HNRNPU: variants seen among roughly 807,000 people sequenced by gnomAD.
The protein encoded by HNRNPU is HNRNPU antisense RNA 1.
Under a neutral mutation model 94.7 loss-of-function variants are expected in HNRNPU, and 5 were observed. The ratio of observed to expected loss-of-function variants is 0.05; its 90% CI spans 0.03 to 0.11. The LOEUF is 0.11. HNRNPU is among the 10% of genes least tolerant of loss of function. The pLI is 1.00. For missense variants in HNRNPU, 710 were observed against 1,049.2 expected, an observed-to-expected ratio of 0.68 and a Z score of 4.47; for synonymous variants, 434 against 381.6, an observed-to-expected ratio of 1.14 and a Z score of -1.60.
intron 8 of HNRNPU, 166 bp from the exon 9 acceptor site, chr1:244,857,022 A>G: frequency 1.7e-6 from 1 of 589,084 alleles, no homozygotes; most frequent in Non-Finnish European, 3.0e-6. Flanking sequence ...CTATGTAACA[A>G]GACCTTACAC....
intron 4 of HNRNPU, chr1:244,859,783 A>C (rs1211540065): frequency 6.3e-6 from 1 of 158,102 alleles, no homozygotes; most frequent in Non-Finnish European, 1.4e-5. Flanking sequence ...TCTGCATGGC[A>C]AGTTCTAACA....
intron 1 of HNRNPU, 81 bp downstream of exon 1, chr1:244,863,536 G>T: frequency 8.0e-7 from 1 of 1,257,040 alleles, no homozygotes; most frequent in African/African-American, 1.6e-5. Context: ...CCCTCCCCCT[G>T]CGGGGCTCCG....
chr1:244,857,932 A>G (rs1376514529), intron 7 of HNRNPU, 79 bp downstream of exon 7: 4 of 1,410,300 alleles, frequency 2.8e-6, no homozygotes, highest in Non-Finnish European at 3.9e-6. Flanking sequence ...CAGACTAATC[A>G]TCTAGTTCTT....
chr1:244,857,260 T>C (rs990273573), intron 8 of HNRNPU: 4 of 224,968 alleles, frequency 1.8e-5, no homozygotes, highest in African/African-American at 9.1e-5. Context: ...TTTTTTTTTT[T>C]TCTGAGACGG....
In HNRNPU at chr1:244,851,019, G is replaced by A. The variant is rs974807424; in HGVS notation, c.*3431C>T. 9.9e-5 allele frequency: 15 copies of A among 152,036 alleles called. No homozygotes were observed. Among genetic ancestry groups the A allele is most frequent in the African/African-American group, 3.6e-4 (15 of 41,472 alleles). 9.4% of individuals were successfully genotyped at this position (152,036 alleles called of 1,614,324 possible). ...AGACCAGGTCTCACTATGTTGCCCA[G>A]GATGGTCTCAAACTCCTGAGCTCAA... is the stretch of plus-strand genomic sequence containing the variant. On this transcript the variant is annotated 3_prime_UTR_variant, in exon 14 of 14. Coordinates refer to ENST00000640218, the MANE Select transcript of HNRNPU (RefSeq NM_031844.3).
At position 244,864,527 on chromosome 1, in the gene HNRNPU, G is replaced by A. The variant is rs1352496126; in HGVS notation, c.-220C>T. On this transcript the variant is annotated 5_prime_UTR_variant, in exon 1 of 14. Coordinates refer to ENST00000640218, the MANE Select transcript of HNRNPU (RefSeq NM_031844.3). Reference sequence around the variant, plus strand: ...ACGCGGAGACTCGCCTGGCGCGAGCGAGCACGCAACGTCCTCTCGCAGGAG... The same window carrying A: ...ACGCGGAGACTCGCCTGGCGCGAGCAAGCACGCAACGTCCTCTCGCAGGAG... 2 of 696,438 alleles carry A rather than the reference G, an allele frequency of 2.9e-6. No individual in the cohort carries two copies. The highest frequency in any genetic ancestry group is 4.4e-6 in the Non-Finnish European group (2 of 451,242). 43.1% of individuals were successfully genotyped at this position (696,438 alleles called of 1,614,324 possible). A position where few individuals can be genotyped will look rare whatever the true frequency, so the allele number is the denominator to read the frequency against.
rs1680647425 is a variant in HNRNPU, at chr1:244,855,260, C to A, written c.2352+164G>T. ...GACTTGTTTAGTACACCTGAAAAAA[C>A]TCAAAAGTAAGTAGACTCATTTCAC... On this transcript the variant is annotated intron_variant, in intron 12 of 13. Transcript: ENST00000640218. 6.3e-6 allele frequency: 5 copies of A among 795,798 alleles called. No individual in the cohort carries two copies. In the Admixed American group the frequency reaches 7.2e-5, roughly 11 times the overall value. 49.3% of individuals were successfully genotyped at this position (795,798 alleles called of 1,614,324 possible).
At chr1:244,863,416 A>ACGCGCG (rs1357553426) in intron 1 of HNRNPU, among the ~76,000 whole-genome samples, 1 of 143,170 alleles carries the variant, frequency 7.0e-6, no homozygotes, top group East Asian at 2.2e-4. Context: ...ACACACACAC[A>ACGCGCG]CACACGCGCG....
intron 8 of HNRNPU, 144 bp from the exon 9 acceptor site, chr1:244,857,000 G>T: frequency 1.5e-6 from 1 of 675,566 alleles, no homozygotes. Context: ...TACAAAAACA[G>T]GGTCACTTAA....
In HNRNPU at chr1:244,853,828, CTCTA is replaced by C. The variant is rs549025539; in HGVS notation, c.*618_*621del. ...AGCCCTTCTACATACACTCCATCTT[CTCTA>C]TCTTAGTTCCAAGTTTTAGTTTTCA... On this transcript the variant is annotated 3_prime_UTR_variant, in exon 14 of 14. Transcript: ENST00000640218. 26 of 152,916 alleles carry C rather than the reference CTCTA, an allele frequency of 1.7e-4. No homozygotes were observed. The highest frequency in any genetic ancestry group is 2.9e-4 in the Non-Finnish European group (20 of 68,048). The allele number at this position is 152,916 out of a possible 1,614,324, so 9.5% of individuals were successfully genotyped here.
intron 3 of HNRNPU, 103 bp downstream of exon 3, chr1:244,862,354 AAACT>A (rs1439561552): frequency 1.3e-5 from 10 of 757,168 alleles, no homozygotes; most frequent in African/African-American, 3.5e-5. Flanking sequence ...GCTTTTAAAA[AAACT>A]AACCCAAGTT....
At chr1:244,858,363 C>T in intron 6 of HNRNPU, 89 bp from the exon 7 acceptor site, 2 of 1,216,532 alleles carry the variant, frequency 1.6e-6, no homozygotes, top group East Asian at 2.5e-5. Flanking sequence ...CAAAGCTTAT[C>T]CTGTGGAAGC....
chr1:244,863,753 C>T lies in HNRNPU; in HGVS notation c.555G>A (p.Gly185=), dbSNP rs1680922212. ...QQRGAAKEAA[G]KSSGPTSLFA... is the part of the protein sequence containing the mutation. Reference sequence around the variant, plus strand: ...ACAGCGAGGTGGGGCCGCTGCTCTTCCCCGCGGCCTCCTTGGCGGCCCCGC... The same window carrying T: ...ACAGCGAGGTGGGGCCGCTGCTCTTTCCCGCGGCCTCCTTGGCGGCCCCGC... Residue 185 remains glycine, a synonymous_variant, in exon 1 of 14, where the codon GGG becomes GGA. Transcript: ENST00000640218. 1 of 1,585,506 alleles carries T rather than the reference C, an allele frequency of 6.3e-7. No homozygotes were observed. The highest frequency in any genetic ancestry group is 1.4e-5 in the African/African-American group (1 of 73,886).
intron 7 of HNRNPU, 47 bp downstream of exon 7, chr1:244,857,964 G>A: frequency 6.5e-7 from 1 of 1,537,356 alleles, no homozygotes; most frequent in Non-Finnish European, 8.8e-7. Flanking sequence ...TTTGTGCCAG[G>A]CAAGCAATAT....
In HNRNPU at chr1:244,862,615, A is replaced by G. The variant is rs758197358; in HGVS notation, c.803+4T>C. The G allele has an allele frequency of 1.2e-6, 2 of 1,609,228 alleles. No individual in the cohort carries two copies. Among genetic ancestry groups the G allele is most frequent in the South Asian group, 1.1e-5 (1 of 90,956 alleles). On this transcript the variant is annotated splice_donor_region_variant and intron_variant, in intron 2 of 13. Coordinates refer to ENST00000640218, the MANE Select transcript of HNRNPU (RefSeq NM_031844.3). ...ATGAGTAAAACTAGGTGAGCATCCT[A>G]TACCTGCTATACTTGTTCTCTTCAA...
rs1680803445 is a variant in HNRNPU, at chr1:244,860,724, T to C, written c.878-250A>G. ...AGGTTTAACATGTATATTTTAAGTA[T>C]TTAAAATAATCAAGACAATGTGACA... On this transcript the variant is annotated intron_variant, in intron 3 of 13. Coordinates refer to ENST00000640218, the MANE Select transcript of HNRNPU (RefSeq NM_031844.3). 9.3e-6 allele frequency: 5 copies of C among 540,304 alleles called. No individual in the cohort carries two copies. In the East Asian group the frequency reaches 1.6e-4, roughly 17 times the overall value. 33.5% of individuals were successfully genotyped at this position (540,304 alleles called of 1,614,324 possible).
chr1:244,862,817 T>C, intron 1 of HNRNPU, 87 bp from the exon 2 acceptor site: 1 of 876,886 alleles, frequency 1.1e-6, no homozygotes, highest in Non-Finnish European at 1.9e-6. Flanking sequence ...CAGCTCGACT[T>C]TATCCTGCTT....
At position 244,864,486 on chromosome 1, in the gene HNRNPU, C is replaced by T. The variant is rs1573338870; in HGVS notation, c.-179G>A. ...GTCGAACGGCGCCAATTCCTTTCAC[C>T]GAGTTCGCGAGGGAGACGCGGAGAC... On this transcript the variant is annotated 5_prime_UTR_variant, in exon 1 of 14. Transcript: ENST00000640218. The T allele has an allele frequency of 9.5e-7, 1 of 1,057,220 alleles. No individual in the cohort carries two copies. The highest frequency in any genetic ancestry group is 3.1e-4 in the Middle Eastern group (1 of 3,250). The allele number at this position is 1,057,220 out of a possible 1,614,324, so 65.5% of individuals were successfully genotyped here. A position where few individuals can be genotyped will look rare whatever the true frequency, so the allele number is the denominator to read the frequency against.
Position 244,856,635 on chromosome 1 carries a change from A to T in HNRNPU, c.1744-10T>A. On this transcript the variant is annotated splice_polypyrimidine_tract_variant and intron_variant, in intron 9 of 13. Transcript: ENST00000640218. ...CAGCAGACACATTTGTCTTTAAAAA[A>T]AGAAATTTATGTTTACAACCCTAAA... The T allele has an allele frequency of 6.2e-7, 1 of 1,612,088 alleles. No individual in the cohort carries two copies. Among genetic ancestry groups the T allele is most frequent in the Non-Finnish European group, 8.5e-7 (1 of 1,179,484 alleles).
Sources: gnomAD v4.1 joint callset for allele counts (sites outside exome capture counted in the v4.1 genomes callset) on GRCh38, gnomAD v4.1.1 for gene constraint, MANE v1.5 for transcripts, NCBI Gene and HGNC (gene_info 2026-07-23, HGNC 2026-07-21) for gene names.